WDR49: variants seen among roughly 807,000 people sequenced by gnomAD.
The protein encoded by WDR49 is cilia- and flagella-associated protein 337.
In WDR49, 107 loss-of-function variants were observed where a neutral mutation model predicts 119.5. That is an observed-to-expected ratio of 0.90 (90% CI 0.77 to 1.05). The LOEUF (loss-of-function observed/expected upper bound fraction) is 1.05, where lower values mean the gene tolerates loss of function less well. Among genes scored for constraint, WDR49 ranks in the 50% least tolerant of loss-of-function variants. WDR49 has a pLI of 0.00. For missense variants in WDR49, 1,240 were observed against 1,220.5 expected, an observed-to-expected ratio of 1.02 and a Z score of -0.24; for synonymous variants, 425 against 418.8, an observed-to-expected ratio of 1.01 and a Z score of -0.18.
chr3:167,492,430 C>CA (rs762849685), intron 18 of WDR49, among the ~76,000 whole-genome samples: 43 of 152,006 alleles, frequency 2.8e-4, no homozygotes, highest in Non-Finnish European at 6.2e-4. Context: ...GAACTTAGGT[C>CA]AATTATTTAA....
At chr3:167,528,044 T>TA in intron 14 of WDR49, 27 bp from the exon 15 acceptor site, 1 of 1,580,294 alleles carries the variant, frequency 6.3e-7, no homozygotes. Flanking sequence ...ACCAGAACTC[T>TA]AAAAAATTCA....
At chr3:167,585,464 C>T (rs1347325297) in intron 7 of WDR49, among the ~76,000 whole-genome samples, 2 of 149,494 alleles carry the variant, frequency 1.3e-5, no homozygotes, top group East Asian at 2.0e-4. Flanking sequence ...AACTTAGAAA[C>T]AATATCTCCT....
At chr3:167,561,894 C>T (rs189280920) in intron 8 of WDR49, among the ~76,000 whole-genome samples, 63 of 152,216 alleles carry the variant, frequency 4.1e-4, no homozygotes, top group Admixed American at 1.4e-3. Flanking sequence ...CACAGCATTC[C>T]AGACAACTAA....
intron 7 of WDR49, among the ~76,000 whole-genome samples, chr3:167,591,584 C>A (rs1481036134): frequency 6.6e-6 from 1 of 151,996 alleles, no homozygotes; most frequent in East Asian, 1.9e-4. Context: ...TGGGTGCTCC[C>A]GTTTTGGGTA....
At chr3:167,628,371 T>C (rs982634063) in intron 2 of WDR49, among the ~76,000 whole-genome samples, 13 of 152,000 alleles carry the variant, frequency 8.6e-5, no homozygotes, top group African/African-American at 3.1e-4. Flanking sequence ...AACAGCCAAG[T>C]TATGAATGTA....
chr3:167,531,343 T>C lies in WDR49; in HGVS notation c.2054-64A>G. 5.1e-6 allele frequency: 8 copies of C among 1,560,416 alleles called. No individual in the cohort carries two copies. In the South Asian group the frequency reaches 9.2e-5, roughly 18 times the overall value. On this transcript the variant is annotated intron_variant, in intron 12 of 18. Coordinates refer to ENST00000682715, the MANE Select transcript of WDR49 (RefSeq NM_001366157.1). ...AATATCTGCTTTTCAAACTAATGCCTATGAAATAGCAGGCCCACATCTATC... is the reference window on the plus strand; with the variant it reads ...AATATCTGCTTTTCAAACTAATGCCCATGAAATAGCAGGCCCACATCTATC...
intron 10 of WDR49, among the ~76,000 whole-genome samples, chr3:167,540,393 C>T (rs539637669): frequency 6.6e-6 from 1 of 152,176 alleles, no homozygotes; most frequent in East Asian, 1.9e-4. Flanking sequence ...CAGCACCAGC[C>T]CAAAGGCTGG....
upstream of WDR49, among the ~76,000 whole-genome samples, chr3:167,656,505 TC>T (rs1718608658): frequency 6.6e-6 from 1 of 152,108 alleles, no homozygotes; most frequent in Admixed American, 6.5e-5. Context: ...AATGCAAAAT[TC>T]TCTAATTATT....
At chr3:167,562,715 C>T (rs1400318236) in intron 8 of WDR49, among the ~76,000 whole-genome samples, 1 of 152,138 alleles carries the variant, frequency 6.6e-6, no homozygotes, top group East Asian at 1.9e-4. Flanking sequence ...GTCAGGATGC[C>T]TAAGTTTGAA....
chr3:167,568,272 T>A (rs1327176115), intron 8 of WDR49, among the ~76,000 whole-genome samples: 5 of 152,208 alleles, frequency 3.3e-5, no homozygotes, highest in African/African-American at 4.8e-5. Flanking sequence ...TGTACCAAAT[T>A]ATTTTCTAAA....
intron 17 of WDR49, among the ~76,000 whole-genome samples, chr3:167,503,062 A>G (rs1366691860): frequency 6.6e-6 from 1 of 152,144 alleles, no homozygotes; most frequent in Non-Finnish European, 1.5e-5. Flanking sequence ...GAAGGAATAC[A>G]CCACTGTTCT....
At chr3:167,657,763 C>G (rs1015262380), upstream of WDR49, among the ~76,000 whole-genome samples, 9 of 152,014 alleles carry the variant, frequency 5.9e-5, no homozygotes. Context: ...CTTCTCAAGT[C>G]CTCACTGCTC....
intron 16 of WDR49, among the ~76,000 whole-genome samples, chr3:167,519,209 T>C (rs1752332659): frequency 6.6e-6 from 1 of 152,130 alleles, no homozygotes; most frequent in Non-Finnish European, 1.5e-5. Flanking sequence ...TGGTCTAAGA[T>C]GGTGTGGTGA....
chr3:167,518,720 C>A (rs1752314085), intron 16 of WDR49, among the ~76,000 whole-genome samples: 1 of 149,892 alleles, frequency 6.7e-6, no homozygotes, highest in African/African-American at 2.4e-5. Context: ...TTTTGCTGTG[C>A]AGAAGCTCTT....
chr3:167,626,841 A>T lies in WDR49; in HGVS notation c.606+11T>A. The T allele has an allele frequency of 8.1e-7, 1 of 1,234,862 alleles. No homozygotes were observed. Among genetic ancestry groups the T allele is most frequent in the Non-Finnish European group, 1.0e-6 (1 of 988,324 alleles). 76.5% of individuals were successfully genotyped at this position (1,234,862 alleles called of 1,614,324 possible). A position where few individuals can be genotyped will look rare whatever the true frequency, so the allele number is the denominator to read the frequency against. On this transcript the variant is annotated intron_variant, in intron 3 of 18. Transcript: ENST00000682715. ...TTACAAGCAGTACATTTTTTTATAA[A>T]GAGTCTGTACCTTGTTTACATTTTC...
At chr3:167,544,458 A>AGTGGGACATAGACCG (rs537696612) in intron 10 of WDR49, among the ~76,000 whole-genome samples, 42 of 152,184 alleles carry the variant, frequency 2.8e-4, no homozygotes, top group African/African-American at 9.1e-4. Context: ...TACATAGAGC[A>AGTGGGACATAGACCG]GTGGGACATA....
intron 7 of WDR49, among the ~76,000 whole-genome samples, chr3:167,595,207 C>T (rs926460912): frequency 4.6e-5 from 7 of 152,058 alleles, no homozygotes; most frequent in South Asian, 2.1e-4. Flanking sequence ...CACTGCTCAA[C>T]AAAATAAAAG....
At chr3:167,627,934 G>A (rs995506912) in intron 2 of WDR49, among the ~76,000 whole-genome samples, 6 of 151,828 alleles carry the variant, frequency 4.0e-5, no homozygotes, top group East Asian at 1.9e-4. Context: ...TCCCTACTTC[G>A]TATCCCTGTG....
chr3:167,525,698 T>C (rs1368329404), intron 15 of WDR49, among the ~76,000 whole-genome samples: 2 of 152,146 alleles, frequency 1.3e-5, no homozygotes, highest in South Asian at 2.1e-4. Context: ...TAAACATGCA[T>C]TTATGAATAA....
Sources: gnomAD v4.1 joint callset for allele counts (sites outside exome capture counted in the v4.1 genomes callset) on GRCh38, gnomAD v4.1.1 for gene constraint, MANE v1.5 for transcripts, NCBI Gene and HGNC (gene_info 2026-07-23, HGNC 2026-07-21) for gene names.